PDXK: variants seen among roughly 807,000 people sequenced by gnomAD.
PDXK encodes the protein epididymis secretory sperm binding protein Li 1a.
A neutral mutation model predicts 43.2 loss-of-function variants in PDXK; 15 were observed. That is an observed-to-expected ratio of 0.35 (90% CI 0.23 to 0.53). The LOEUF (loss-of-function observed/expected upper bound fraction) is 0.53, where lower values mean the gene tolerates loss of function less well. PDXK is among the 20% of genes least tolerant of loss of function. PDXK has a pLI of 0.92. For missense variants in PDXK, 343 were observed against 417.0 expected, an observed-to-expected ratio of 0.82 and a Z score of 1.54; for synonymous variants, 172 against 165.4, an observed-to-expected ratio of 1.04 and a Z score of -0.31.
chr21:43,743,655 T>C (rs2083586010), intron 3 of PDXK, 69 bp from the exon 4 acceptor site: 2 of 1,152,164 alleles, frequency 1.7e-6, no homozygotes, highest in East Asian at 4.8e-5. Context: ...TGCTTCTCTT[T>C]CTTTGTGCCA....
At chr21:43,728,655 G>A in intron 1 of PDXK, 1 of 933,136 alleles carries the variant, frequency 1.1e-6, no homozygotes, top group Non-Finnish European at 1.3e-6. Context: ...AGGCGCGCAC[G>A]TGGGCCCTGG....
intron 1 of PDXK, among the ~76,000 whole-genome samples, chr21:43,726,658 T>C (rs2083257147): frequency 6.6e-6 from 1 of 152,162 alleles, no homozygotes. Flanking sequence ...TCCACCCACC[T>C]CAGCCTCCCA....
At chr21:43,719,532 T>G in intron 1 of PDXK, 151 bp downstream of exon 1, 1 of 1,338,776 alleles carries the variant, frequency 7.5e-7, no homozygotes, top group African/African-American at 1.5e-5. Context: ...GGGATGAGCC[T>G]CCCGCTCTGC....
chr21:43,746,495 C>CTGCA (rs1261279747), intron 5 of PDXK, among the ~76,000 whole-genome samples: 1 of 152,202 alleles, frequency 6.6e-6, no homozygotes, highest in Admixed American at 6.5e-5. Context: ...TCTCAGCTTA[C>CTGCA]TGCAACCTCT....
In PDXK at chr21:43,732,190, C is replaced by T. The variant is rs1271798691; in HGVS notation, c.88-1879C>T. On this transcript the variant is annotated intron_variant, in intron 1 of 10. Transcript: ENST00000291565. The surrounding 1 kb of genome is among the most constrained non-coding windows in gnomAD (Gnocchi z 4.1). ...CCTGGTGGTGCCTGGGAGGGAGCCA[C>T]TGCTGTACAGAGATGCCAATTCCAG... is the stretch of plus-strand genomic sequence containing the variant. The T allele has an allele frequency of 1.4e-6, 2 of 1,426,290 alleles. No individual in the cohort carries two copies. The highest frequency in any genetic ancestry group is 1.8e-6 in the Non-Finnish European group (2 of 1,095,200). 88.4% of individuals were successfully genotyped at this position (1,426,290 alleles called of 1,614,324 possible).
chr21:43,737,704 C>A lies in PDXK; in HGVS notation c.142+3581C>A. On this transcript the variant is annotated intron_variant, in intron 2 of 10. Transcript: ENST00000291565. This position sits in a 1 kb window ranked among gnomAD's most constrained non-coding sequence, Gnocchi z 4.8. ...CTGCCGACGGACACCAGCGAGGGGC[C>A]AGGCCGGGCCAGGAGCCTGCCGACG... 1 of 724,820 alleles carries A rather than the reference C, an allele frequency of 1.4e-6. No homozygotes were observed. The highest frequency in any genetic ancestry group is 1.7e-6 in the Non-Finnish European group (1 of 595,494). 44.9% of individuals were successfully genotyped at this position (724,820 alleles called of 1,614,324 possible).
At chr21:43,750,977 T>TGTGTGC (rs1568991308) in intron 7 of PDXK, among the ~76,000 whole-genome samples, 3 of 150,304 alleles carry the variant, frequency 2.0e-5, no homozygotes, top group African/African-American at 7.5e-5. Flanking sequence ...TGTGTGTGTG[T>TGTGTGC]GTGCACATGT....
intron 1 of PDXK, chr21:43,728,673 C>T: frequency 2.0e-6 from 2 of 977,476 alleles, no homozygotes; most frequent in Non-Finnish European, 2.4e-6. Flanking sequence ...TGGGAGGAGC[C>T]CGAGGCAGCC....
At chr21:43,730,609 AG>A (rs1359691585) in intron 1 of PDXK, among the ~76,000 whole-genome samples, 2 of 152,224 alleles carry the variant, frequency 1.3e-5, no homozygotes, top group Non-Finnish European at 1.5e-5. Flanking sequence ...GTAAAATGCT[AG>A]TAAACTAGGA....
intron 4 of PDXK, 45 bp from the exon 5 acceptor site, chr21:43,746,034 G>A (rs1004777480): frequency 6.1e-6 from 9 of 1,486,054 alleles, no homozygotes; most frequent in African/African-American, 2.8e-5. Context: ...TTTCTTACTC[G>A]TCAGCTGTAG....
At chr21:43,747,228 A>C (rs2083654160) in intron 5 of PDXK, 1 of 152,292 alleles carries the variant, frequency 6.6e-6, no homozygotes, top group Non-Finnish European at 1.5e-5. Flanking sequence ...GATCAAGTGG[A>C]TGGAGAACAA....
chr21:43,752,401 C>T, intron 7 of PDXK, 117 bp from the exon 8 acceptor site: 1 of 686,528 alleles, frequency 1.5e-6, no homozygotes, highest in Non-Finnish European at 2.6e-6. Context: ...TGGGGTGTGA[C>T]CGGCCGTGGC....
intron 1 of PDXK, among the ~76,000 whole-genome samples, chr21:43,733,013 G>T (rs1386302458): frequency 1.3e-5 from 2 of 152,146 alleles, no homozygotes; most frequent in Non-Finnish European, 2.9e-5. Flanking sequence ...CTCCTAAAGT[G>T]CTGGGATTAC....
At chr21:43,725,133 C>G (rs900559348) in intron 1 of PDXK, among the ~76,000 whole-genome samples, 18 of 151,914 alleles carry the variant, frequency 1.2e-4, no homozygotes, top group Non-Finnish European at 2.2e-4. Flanking sequence ...ACCAGTCTGG[C>G]TAACACGGTA....
intron 2 of PDXK, among the ~76,000 whole-genome samples, chr21:43,736,462 G>T (rs1343885747): frequency 6.6e-6 from 1 of 152,162 alleles, no homozygotes; most frequent in Non-Finnish European, 1.5e-5. Context: ...TCCACTTTTT[G>T]GCTGTTGGGG....
intron 2 of PDXK, among the ~76,000 whole-genome samples, chr21:43,740,706 C>CTTCA (rs1447372043): frequency 6.6e-6 from 1 of 151,902 alleles, no homozygotes; most frequent in African/African-American, 2.4e-5. Flanking sequence ...GGGACGGACA[C>CTTCA]TTCACCCTGG....
chr21:43,740,391 T>G (rs1476455585), intron 2 of PDXK, among the ~76,000 whole-genome samples: 1 of 152,054 alleles, frequency 6.6e-6, no homozygotes, highest in Non-Finnish European at 1.5e-5. Flanking sequence ...TGCGTGATAC[T>G]TGTACTTTGC....
chr21:43,744,064 G>A (rs1018625269), intron 4 of PDXK, among the ~76,000 whole-genome samples: 1 of 152,212 alleles, frequency 6.6e-6, no homozygotes, highest in African/African-American at 2.4e-5. Context: ...CAGTGTGCTC[G>A]TATAGTGGGG....
rs2083893972 is a variant in PDXK, at chr21:43,758,990, TTTGA to T, written c.*2928_*2931del. The T allele has an allele frequency of 1.5e-4, 23 of 152,224 alleles. No individual in the cohort carries two copies. The highest frequency in any genetic ancestry group is 2.9e-5 in the Non-Finnish European group (2 of 68,036). The allele number at this position is 152,224 out of a possible 1,614,324, so 9.4% of individuals were successfully genotyped here. ...TGTTCTTAAGCTCGTTAGAGCCAGT[TTTGA>T]AACGTTTGGTCTTACCGTGAACGGA... On this transcript the variant is annotated 3_prime_UTR_variant, in exon 11 of 11. Coordinates refer to ENST00000291565, the MANE Select transcript of PDXK (RefSeq NM_003681.5).
Sources: allele counts gnomAD v4.1 joint callset (sites outside exome capture counted in the v4.1 genomes callset), GRCh38; gene constraint gnomAD v4.1.1; non-coding constraint Gnocchi (gnomAD v3.1); transcripts MANE v1.5; gene names NCBI Gene and HGNC (gene_info 2026-07-23, HGNC 2026-07-21).